Variants in CDK11B observed in about 807,000 individuals in gnomAD.
The protein encoded by CDK11B is cyclin-dependent kinase 11B.
A neutral mutation model predicts 84.0 loss-of-function variants in CDK11B; 37 were observed. The ratio of observed to expected loss-of-function variants is 0.44; its 90% CI spans 0.34 to 0.58. The LOEUF (loss-of-function observed/expected upper bound fraction) is 0.58. Among genes scored for constraint, CDK11B ranks in the 20% least tolerant of loss-of-function variants. The pLI, the probability that CDK11B is intolerant of heterozygous loss-of-function variation, is 0.02. For missense variants in CDK11B, 427 were observed against 834.0 expected (o/e 0.51, Z 6.01); for synonymous variants, 269 against 309.8 (o/e 0.87, Z 1.38).
intron 5 of CDK11B, chr1:1,646,622 C>G (rs1247273483): frequency 1.9e-6 from 1 of 513,948 alleles, no homozygotes; most frequent in Non-Finnish European, 3.9e-6. Context: ...TCCTTCCTTC[C>G]TGAGGATTCA....
chr1:1,649,413 C>G, intron 5 of CDK11B, 86 bp downstream of exon 5: 1 of 1,083,436 alleles, frequency 9.2e-7, no homozygotes, highest in South Asian at 1.3e-5. Context: ...GATGTGACTT[C>G]TATTGCCAAA....
chr1:1,651,634 T>C (rs1362236681), intron 4 of CDK11B, among the ~76,000 whole-genome samples: 2 of 149,170 alleles, frequency 1.3e-5, no homozygotes, highest in African/African-American at 5.0e-5. Flanking sequence ...TAGAGTTTGC[T>C]CTGTATAGCC....
At chr1:1,636,613 C>T (rs548852974) in intron 17 of CDK11B, 69 bp downstream of exon 17, 55 of 1,601,554 alleles carry the variant, frequency 3.4e-5, no homozygotes, top group East Asian at 1.8e-4. Context: ...AGCACCTGTG[C>T]GCCCCGCAGC....
chr1:1,658,325 CAAAA>C (rs1380468299), intron 1 of CDK11B, among the ~76,000 whole-genome samples: 1 of 148,158 alleles, frequency 6.7e-6, no homozygotes, highest in East Asian at 2.0e-4. Context: ...GCATGGGCGA[CAAAA>C]AAGAGTGATG....
At chr1:1,645,050 G>A (rs1265445437) in intron 6 of CDK11B, 76 bp downstream of exon 6, 2 of 718,602 alleles carry the variant, frequency 2.8e-6, no homozygotes, top group Non-Finnish European at 4.5e-6. Context: ...GCGCCCGCCT[G>A]TGACAGCAAG....
At chr1:1,637,363 C>G (rs1639515923) in intron 14 of CDK11B, 45 bp downstream of exon 14, 1 of 1,598,406 alleles carries the variant, frequency 6.3e-7, no homozygotes, top group Non-Finnish European at 8.5e-7. Flanking sequence ...GACCAGGACC[C>G]TGCCCCCACT....
intron 11 of CDK11B, among the ~76,000 whole-genome samples, chr1:1,639,884 A>G (rs1482468494): frequency 1.3e-5 from 2 of 151,762 alleles, no homozygotes; most frequent in Admixed American, 6.6e-5. Context: ...CCGCTCCCCC[A>G]TCCAAGCCCT....
At chr1:1,638,920 G>A (rs2100710204) in intron 11 of CDK11B, among the ~76,000 whole-genome samples, 1 of 150,600 alleles carries the variant, frequency 6.6e-6, no homozygotes, top group Admixed American at 6.6e-5. Flanking sequence ...GGCCAACATA[G>A]CAACACTCTG....
chr1:1,657,258 G>C, intron 2 of CDK11B, 117 bp downstream of exon 2: 4 of 1,613,940 alleles, frequency 2.5e-6, no homozygotes, highest in Non-Finnish European at 3.4e-6. Flanking sequence ...GGGCTCACCT[G>C]CGACATTTGG....
chr1:1,654,211 A>G (rs1642417209), intron 3 of CDK11B: 2 of 452,622 alleles, frequency 4.4e-6, no homozygotes. Flanking sequence ...TATGAGAAGA[A>G]AACAAACGAG....
At position 1,636,788 on chromosome 1, in the gene CDK11B, G is replaced by A. The variant is rs747318216; in HGVS notation, c.1811C>T (p.Thr604Met). Residue 604 changes from threonine to methionine, a missense_variant, in exon 17 of 20, where the codon ACG becomes ATG. Coordinates refer to ENST00000341832, the MANE Select transcript of CDK11B (RefSeq NM_033486.3). ...ACCCACTGACCACATGTCCACGGCC[G>A]TGGAGTATTCCTAAGAGGTCAGGAG... Reference protein sequence around the residue: ...ELLLGAKEYSTAVDMWSVGCI... With the variant: ...ELLLGAKEYSMAVDMWSVGCI... 11 of 1,613,786 alleles carry A rather than the reference G, an allele frequency of 6.8e-6. No homozygotes were observed. The highest frequency in any genetic ancestry group is 4.0e-5 in the African/African-American group (3 of 74,920).
chr1:1,657,297 G>A (rs555610410), intron 2 of CDK11B, 78 bp downstream of exon 2: 1,899 of 173,540 alleles, frequency 0.011, no homozygotes, highest in Non-Finnish European at 0.014. Flanking sequence ...CCGAAGAAGC[G>A]TTGTTCTAAT....
chr1:1,658,746 C>T (rs1643139871), intron 1 of CDK11B, among the ~76,000 whole-genome samples, 168 bp downstream of exon 1: 1 of 150,324 alleles, frequency 6.7e-6, no homozygotes, highest in African/African-American at 2.4e-5. Context: ...TTGGACCCGC[C>T]GCCTCCACCA....
chr1:1,655,693 G>A (rs900135749), intron 2 of CDK11B, among the ~76,000 whole-genome samples: 3 of 151,468 alleles, frequency 2.0e-5, no homozygotes, highest in African/African-American at 7.3e-5. Flanking sequence ...GGAGGCCCAG[G>A]CAGGCGGATC....
chr1:1,636,516 G>A, intron 17 of CDK11B, 35 bp from the exon 18 acceptor site: 1 of 1,599,578 alleles, frequency 6.3e-7, no homozygotes, highest in Non-Finnish European at 8.5e-7. Context: ...GCCACACCAA[G>A]TGGCCCACAG....
chr1:1,653,018 C>T (rs1229624182), intron 3 of CDK11B, among the ~76,000 whole-genome samples: 5 of 151,096 alleles, frequency 3.3e-5, no homozygotes, highest in East Asian at 2.0e-4. Context: ...CCACTGCGCC[C>T]GGCCTGTATT....
In CDK11B at chr1:1,636,914, G is replaced by C; in HGVS notation, c.1783C>G (p.Leu595Val). The change falls in exon 16 of 20, where the codon CTG (leucine) becomes GTG (valine). Residue 595 changes from leucine to valine, a missense_variant. By Grantham distance (32) the Leu-to-Val change is conservative (BLOSUM62 1). Coordinates refer to ENST00000341832, the MANE Select transcript of CDK11B (RefSeq NM_033486.3). Reference sequence around the variant, plus strand: ...GGACTCACCTTGGCACCAAGCAGCAGCTCTGGGGCGCGGTACCACAGGGTC... The same window carrying C: ...GGACTCACCTTGGCACCAAGCAGCACCTCTGGGGCGCGGTACCACAGGGTC... ...VVTLWYRAPELLLGAKEYSTA... is the reference protein window; with the variant it reads ...VVTLWYRAPEVLLGAKEYSTA... 4 of 1,606,190 alleles carry C rather than the reference G, an allele frequency of 2.5e-6. No homozygotes were observed. Among genetic ancestry groups the C allele is most frequent in the Non-Finnish European group, 3.4e-6 (4 of 1,174,958 alleles).
intron 5 of CDK11B, 42 bp downstream of exon 5, chr1:1,649,457 A>T: frequency 7.1e-7 from 1 of 1,405,402 alleles, no homozygotes; most frequent in South Asian, 1.2e-5. Context: ...ACACACTACC[A>T]CAGCCCTTTT....
intron 14 of CDK11B, 74 bp from the exon 15 acceptor site, chr1:1,637,276 C>T (rs891210273): frequency 1.1e-5 from 18 of 1,586,050 alleles, no homozygotes; most frequent in East Asian, 2.3e-5. Context: ...CCACTCGCCT[C>T]GGCAGCAACA....
Sources: allele counts gnomAD v4.1 joint callset (sites outside exome capture counted in the v4.1 genomes callset), GRCh38; gene constraint gnomAD v4.1.1; transcripts MANE v1.5; gene names NCBI Gene and HGNC (gene_info 2026-07-23, HGNC 2026-07-21).